ABCG2: variants seen among roughly 807,000 people sequenced by gnomAD.
ABCG2 encodes broad substrate specificity ATP-binding cassette transporter ABCG2.
Under a neutral mutation model 73.5 loss-of-function variants are expected in ABCG2, and 80 were observed. The observed-to-expected ratio is 1.09, with a 90% confidence interval of 0.91 to 1.31. The LOEUF (loss-of-function observed/expected upper bound fraction) is 1.31. ABCG2 is among the 50% of genes most tolerant of loss of function. The pLI, the probability that ABCG2 is intolerant of heterozygous loss-of-function variation, is 0.00. For synonymous variants in ABCG2, 269 were observed against 282.4 expected, an observed-to-expected ratio of 0.95 and a Z score of 0.48; for missense variants, 796 against 786.2, an observed-to-expected ratio of 1.01 and a Z score of -0.15.
chr4:88,186,610 T>C (rs1245679294), intron 1 of ABCG2, among the ~76,000 whole-genome samples: 1 of 152,070 alleles, frequency 6.6e-6, no homozygotes, highest in East Asian at 1.9e-4. Flanking sequence ...ATCCTGTCTC[T>C]ACTAAAAATA....
intron 13 of ABCG2, among the ~76,000 whole-genome samples, chr4:88,097,041 A>G (rs1184805217): frequency 6.6e-6 from 1 of 151,982 alleles, no homozygotes; most frequent in Non-Finnish European, 1.5e-5. Flanking sequence ...CATAAATTAA[A>G]AATGTTAAAA....
At chr4:88,124,574 C>G (rs1388861546) in intron 5 of ABCG2, among the ~76,000 whole-genome samples, 2 of 152,180 alleles carry the variant, frequency 1.3e-5, no homozygotes, top group African/African-American at 4.8e-5. Context: ...AAGAGTATTA[C>G]ATAATGGTAA....
At chr4:88,098,671 G>GATAGATAGATAGATAGATAC (rs1722170708) in intron 12 of ABCG2, among the ~76,000 whole-genome samples, 1 of 151,592 alleles carries the variant, frequency 6.6e-6, no homozygotes, top group East Asian at 1.9e-4. Flanking sequence ...TAGATAGATA[G>GATAGATAGATAGATAGATAC]ATAGATAGAT....
At chr4:88,196,478 T>C (rs956565290) in intron 1 of ABCG2, among the ~76,000 whole-genome samples, 2 of 152,172 alleles carry the variant, frequency 1.3e-5, no homozygotes, top group African/African-American at 2.4e-5. Flanking sequence ...AGTTTTTCTG[T>C]TATGAGTGGA....
At chr4:88,168,548 T>G (rs1483513235) in intron 1 of ABCG2, among the ~76,000 whole-genome samples, 2 of 151,146 alleles carry the variant, frequency 1.3e-5, no homozygotes, top group Non-Finnish European at 2.9e-5. Context: ...CTTCTAAAAA[T>G]TAGACTGCAG....
intron 9 of ABCG2, among the ~76,000 whole-genome samples, chr4:88,112,039 TTGCACCAC>T (rs1723167523): frequency 6.6e-6 from 1 of 151,548 alleles, no homozygotes; most frequent in African/African-American, 2.4e-5. Context: ...TGAGCTATGA[TTGCACCAC>T]TGCACTCCAG....
At chr4:88,201,246 A>G (rs190009915) in intron 1 of ABCG2, among the ~76,000 whole-genome samples, 5 of 151,242 alleles carry the variant, frequency 3.3e-5, no homozygotes, top group Non-Finnish European at 1.5e-5. Context: ...CATAATCACT[A>G]ATATCAGAAA....
intron 1 of ABCG2, among the ~76,000 whole-genome samples, chr4:88,174,546 G>A (rs570950458): frequency 2.0e-5 from 3 of 152,084 alleles, no homozygotes; most frequent in South Asian, 2.1e-4. Context: ...GCGCCACCAC[G>A]CCCAGGTAAT....
At chr4:88,093,662 G>A (rs1215636076) in intron 15 of ABCG2, among the ~76,000 whole-genome samples, 1 of 151,914 alleles carries the variant, frequency 6.6e-6, no homozygotes, top group Non-Finnish European at 1.5e-5. Context: ...CAAAAGAGAG[G>A]GACAGAATAA....
At chr4:88,169,593 G>C (rs1429431387) in intron 1 of ABCG2, among the ~76,000 whole-genome samples, 2 of 152,088 alleles carry the variant, frequency 1.3e-5, no homozygotes, top group East Asian at 3.9e-4. Flanking sequence ...CCACAAGTAT[G>C]GCTAAATGGA....
At chr4:88,211,970 T>G (rs191172826) in intron 1 of ABCG2, among the ~76,000 whole-genome samples, 2 of 152,334 alleles carry the variant, frequency 1.3e-5, no homozygotes, top group Admixed American at 1.3e-4. Flanking sequence ...GAGCTTTTGG[T>G]GCACAGCTAG....
intron 12 of ABCG2, among the ~76,000 whole-genome samples, chr4:88,098,645 G>GAGATAGGTAGAT (rs1553931031): frequency 7.0e-6 from 1 of 143,814 alleles, no homozygotes; most frequent in East Asian, 2.0e-4. Flanking sequence ...GAGACAGGGA[G>GAGATAGGTAGAT]AGATAGATAG....
intron 1 of ABCG2, among the ~76,000 whole-genome samples, chr4:88,157,979 T>G (rs564923373): frequency 9.8e-5 from 15 of 152,334 alleles, no homozygotes; most frequent in African/African-American, 3.4e-4. Context: ...CATTTACCTA[T>G]TCCCAATTGT....
upstream of ABCG2, chr4:88,159,262 G>T (rs368986954): frequency 3.0e-3 from 1,385 of 455,118 alleles, 47 homozygotes; most frequent in South Asian, 0.02. Flanking sequence ...GAAGCACCGG[G>T]GACGCTGACG....
intron 1 of ABCG2, among the ~76,000 whole-genome samples, chr4:88,221,629 G>A (rs966165613): frequency 2.6e-5 from 4 of 152,172 alleles, no homozygotes; most frequent in Non-Finnish European, 5.9e-5. Context: ...GGTCTCAGAT[G>A]GAGATGAGGA....
chr4:88,161,098 G>C (rs913248481), upstream of ABCG2, among the ~76,000 whole-genome samples: 2 of 151,950 alleles, frequency 1.3e-5, no homozygotes, highest in East Asian at 3.9e-4. Flanking sequence ...AGGATTGCTT[G>C]AGCCCAAGAA....
intron 1 of ABCG2, among the ~76,000 whole-genome samples, chr4:88,224,134 G>GTGGGT (rs1363020194): frequency 6.6e-6 from 1 of 152,104 alleles, no homozygotes; most frequent in Non-Finnish European, 1.5e-5. Flanking sequence ...CTCCCATTCT[G>GTGGGT]TGGGTTGTCT....
chr4:88,228,764 C>A (rs1217109944), intron 1 of ABCG2, among the ~76,000 whole-genome samples: 1 of 152,108 alleles, frequency 6.6e-6, no homozygotes, highest in East Asian at 1.9e-4. Flanking sequence ...TGTAAATGCA[C>A]CAATCAGCAC....
chr4:88,114,905 C>T, intron 8 of ABCG2, 52 bp downstream of exon 8: 1 of 1,305,996 alleles, frequency 7.7e-7, no homozygotes, highest in Non-Finnish European at 1.1e-6. Flanking sequence ...CATTGCTAAA[C>T]TTCAGCCAAT....
Sources: gnomAD v4.1 joint callset for allele counts (sites outside exome capture counted in the v4.1 genomes callset) on GRCh38, gnomAD v4.1.1 for gene constraint, MANE v1.5 for transcripts, NCBI Gene and HGNC (gene_info 2026-07-23, HGNC 2026-07-21) for gene names.